The following ARL13B variants were observed in gnomAD, a reference collection of about 807,000 sequenced individuals.
ARL13B encodes ARF like GTPase 13B.
ARL13B carries 36 observed loss-of-function variants against 56.1 expected under a neutral mutation model. The ratio of observed to expected loss-of-function variants is 0.64; its 90% confidence interval spans 0.49 to 0.85. The LOEUF (loss-of-function observed/expected upper bound fraction) is 0.85, where lower values mean the gene tolerates loss of function less well. Among genes scored for constraint, ARL13B ranks in the 40% least tolerant of loss-of-function variants. ARL13B has a pLI of 0.00. For missense variants in ARL13B, 519 were observed against 507.1 expected, an observed-to-expected ratio of 1.02 and a Z score of -0.23; for synonymous variants, 178 against 171.1, an observed-to-expected ratio of 1.04 and a Z score of -0.32.
chr3:94,045,409 C>T (rs899358111), intron 7 of ARL13B, among the ~76,000 whole-genome samples: 15 of 150,262 alleles, frequency 1.0e-4, no homozygotes, highest in Admixed American at 4.7e-4. Context: ...TGCCACATCC[C>T]CCTCTCCGAG....
chr3:94,032,673 T>A (rs1320191617), intron 3 of ARL13B, among the ~76,000 whole-genome samples: 1 of 152,056 alleles, frequency 6.6e-6, no homozygotes, highest in Non-Finnish European at 1.5e-5. Flanking sequence ...GTTTTTTGTA[T>A]TTTTAGTAGA....
At chr3:94,013,596 A>C (rs59807507) in intron 3 of ARL13B, among the ~76,000 whole-genome samples, 1 of 152,330 alleles carries the variant, frequency 6.6e-6, no homozygotes, top group African/African-American at 2.4e-5. Context: ...TCAAGTACAT[A>C]GTTGAGTTTT....
intron 7 of ARL13B, among the ~76,000 whole-genome samples, chr3:94,045,272 C>A (rs925832579): frequency 1.3e-5 from 2 of 151,846 alleles, no homozygotes; most frequent in Non-Finnish European, 2.9e-5. Flanking sequence ...CGTCACCACT[C>A]CCTAGTCTGA....
At chr3:94,020,838 G>A (rs1310548599) in intron 3 of ARL13B, among the ~76,000 whole-genome samples, 2 of 151,836 alleles carry the variant, frequency 1.3e-5, no homozygotes, top group African/African-American at 4.8e-5. Flanking sequence ...TTTTGTTTTT[G>A]CCACTGATTT....
At chr3:94,043,716 G>A (rs1374647471) in intron 7 of ARL13B, among the ~76,000 whole-genome samples, 24 of 108,128 alleles carry the variant, frequency 2.2e-4, no homozygotes, top group Non-Finnish European at 4.2e-4. Context: ...GGACTGTACT[G>A]CCATGATCTC....
At chr3:94,002,284 C>A (rs2076067816) in intron 2 of ARL13B, among the ~76,000 whole-genome samples, 1 of 152,074 alleles carries the variant, frequency 6.6e-6, no homozygotes, top group Admixed American at 6.6e-5. Context: ...CCAGACTAGT[C>A]TCAAATTCCT....
intron 3 of ARL13B, among the ~76,000 whole-genome samples, chr3:94,029,463 T>C (rs2076635718): frequency 6.7e-6 from 1 of 150,232 alleles, no homozygotes; most frequent in Non-Finnish European, 1.5e-5. Context: ...TTCTGCTGCC[T>C]GAGCCCCATA....
At chr3:94,029,754 A>G (rs543686620) in intron 3 of ARL13B, among the ~76,000 whole-genome samples, 111 of 152,256 alleles carry the variant, frequency 7.3e-4, no homozygotes, top group African/African-American at 2.6e-3. Context: ...TTGTAAAAAC[A>G]AAACACTGGA....
intron 3 of ARL13B, among the ~76,000 whole-genome samples, chr3:94,010,140 G>T (rs1487298869): frequency 2.0e-5 from 3 of 152,078 alleles, no homozygotes; most frequent in Non-Finnish European, 2.9e-5. Flanking sequence ...GTAGGAGAAA[G>T]TGTTAAGTCA....
intron 1 of ARL13B, among the ~76,000 whole-genome samples, chr3:93,986,052 G>A (rs1710446229): frequency 6.6e-6 from 1 of 152,118 alleles, no homozygotes; most frequent in African/African-American, 2.4e-5. Flanking sequence ...TTCCAATTAA[G>A]CTGTATGTAC....
intron 1 of ARL13B, among the ~76,000 whole-genome samples, chr3:93,982,542 G>C (rs183426217): frequency 3.9e-5 from 6 of 152,270 alleles, no homozygotes; most frequent in Non-Finnish European, 8.8e-5. Context: ...CATATGCTAG[G>C]TTAAATAATA....
intron 9 of ARL13B, among the ~76,000 whole-genome samples, chr3:94,051,919 ATTTT>A (rs200822426): frequency 6.8e-6 from 1 of 146,610 alleles, no homozygotes; most frequent in Non-Finnish European, 1.5e-5. Context: ...AAATTCATGA[ATTTT>A]TTTTTTTTTA....
rs1560021865 is a variant in ARL13B at position 94,054,610 on chromosome 3, AT to A, written c.*1351del. Reference sequence around the variant, plus strand: ...GCTAGTATCTGATAACATTAAGTACATTTTATGTCGTTTAATATAATTATTT... The same window carrying A: ...GCTAGTATCTGATAACATTAAGTACATTTATGTCGTTTAATATAATTATTT... On this transcript the variant is annotated 3_prime_UTR_variant, in exon 10 of 10. Transcript: ENST00000394222. 3 of 378,916 alleles carry A rather than the reference AT, an allele frequency of 7.9e-6. No individual in the cohort carries two copies. Among genetic ancestry groups the A allele is most frequent in the Non-Finnish European group, 1.5e-5 (3 of 195,310 alleles). The allele number at this position is 378,916 out of a possible 1,614,324, so 23.5% of individuals were successfully genotyped here.
intron 2 of ARL13B, 145 bp downstream of exon 2, chr3:93,996,089 T>C: frequency 1.2e-6 from 1 of 855,488 alleles, no homozygotes; most frequent in East Asian, 2.7e-5. Context: ...TTGTGACTCT[T>C]GTGGCGAATA....
At chr3:94,048,902 G>C (rs369131640) in intron 7 of ARL13B, among the ~76,000 whole-genome samples, 44 of 152,028 alleles carry the variant, frequency 2.9e-4, no homozygotes, top group African/African-American at 1.1e-3. Context: ...TAGCCTTGTA[G>C]GGGTTATTTT....
Position 94,053,935 on chromosome 3 carries a change from G to A in ARL13B, c.*672G>A, listed in dbSNP as rs1410859430. The A allele has an allele frequency of 5.1e-5, 16 of 316,584 alleles. No individual in the cohort carries two copies. Among genetic ancestry groups the A allele is most frequent in the Middle Eastern group, 1.1e-3 (1 of 890 alleles). 19.6% of individuals were successfully genotyped at this position (316,584 alleles called of 1,614,324 possible). A position where few individuals can be genotyped will look rare whatever the true frequency, so the allele number is the denominator to read the frequency against. ...CCTAATTTAAAAATAATATATTTTCGAAGTAGTAGATTCTCAGATCTTTAT... is the reference window on the plus strand; with the variant it reads ...CCTAATTTAAAAATAATATATTTTCAAAGTAGTAGATTCTCAGATCTTTAT... On this transcript the variant is annotated 3_prime_UTR_variant, in exon 10 of 10. Transcript: ENST00000394222.
At chr3:94,007,564 A>G (rs1016042433) in intron 3 of ARL13B, among the ~76,000 whole-genome samples, 1 of 152,136 alleles carries the variant, frequency 6.6e-6, no homozygotes, top group African/African-American at 2.4e-5. Context: ...GTGGCAAGAG[A>G]AAATGAGGAA....
intron 2 of ARL13B, among the ~76,000 whole-genome samples, chr3:93,998,986 G>T (rs1316225090): frequency 6.7e-6 from 1 of 149,964 alleles, no homozygotes; most frequent in African/African-American, 2.5e-5. Context: ...TTTCTTTTCA[G>T]ATGTGTCTAC....
chr3:94,001,946 C>A (rs1248971792), intron 2 of ARL13B, among the ~76,000 whole-genome samples: 1 of 152,036 alleles, frequency 6.6e-6, no homozygotes, highest in Admixed American at 6.6e-5. Context: ...TTACCTTTTT[C>A]TTTTTCTAGG....
Sources: gnomAD v4.1 joint callset for allele counts (sites outside exome capture counted in the v4.1 genomes callset) on GRCh38, gnomAD v4.1.1 for gene constraint, MANE v1.5 for transcripts, NCBI Gene and HGNC (gene_info 2026-07-23, HGNC 2026-07-21) for gene names.